Variants in CTNNA2 observed in about 807,000 individuals in gnomAD.
CTNNA2 encodes catenin alpha 2.
Under a neutral mutation model 101.0 loss-of-function variants are expected in CTNNA2, and 42 were observed. The ratio of observed to expected loss-of-function variants is 0.42; its 90% CI spans 0.32 to 0.54. The LOEUF (loss-of-function observed/expected upper bound fraction) is 0.54, where lower values mean the gene tolerates loss of function less well. Ranked by LOEUF, CTNNA2 falls within the 20% of genes least tolerant of loss-of-function variation. The pLI, the probability that CTNNA2 is intolerant of heterozygous loss-of-function variation, is 0.14. For synonymous variants in CTNNA2, 450 were observed against 456.4 expected (o/e 0.99, Z 0.18); for missense variants, 871 against 1,223.1 (o/e 0.71, Z 4.29).
chr2:79,485,635 T>C (rs996711128), intron 4 of CTNNA2, among the ~76,000 whole-genome samples: 35 of 152,354 alleles, frequency 2.3e-4, no homozygotes, highest in Admixed American at 2.0e-3. Flanking sequence ...GCCACAACTC[T>C]GACTGCCACA....
intron 18 of CTNNA2, among the ~76,000 whole-genome samples, chr2:80,630,265 T>C (rs760137303): frequency 6.6e-5 from 10 of 152,232 alleles, no homozygotes; most frequent in East Asian, 5.8e-4. Context: ...AACAAGAGTA[T>C]TGAAGTTAAA....
At chr2:79,404,251 C>T (rs1240001291) in intron 4 of CTNNA2, among the ~76,000 whole-genome samples, 1 of 151,918 alleles carries the variant, frequency 6.6e-6, no homozygotes, top group African/African-American at 2.4e-5. Flanking sequence ...GGTCCATAGG[C>T]AGGATATGAA....
intron 7 of CTNNA2, among the ~76,000 whole-genome samples, chr2:80,125,889 G>C (rs1255577870): frequency 1.3e-5 from 2 of 152,168 alleles, no homozygotes; most frequent in Admixed American, 1.3e-4. Context: ...AAAGCCCAGG[G>C]AGGCAAAGGC....
intron 9 of CTNNA2, among the ~76,000 whole-genome samples, chr2:80,463,398 A>G (rs979552273): frequency 1.3e-5 from 2 of 152,192 alleles, no homozygotes; most frequent in African/African-American, 4.8e-5. Context: ...AGTAGTTGAA[A>G]TGCCTAGATT....
At chr2:80,444,525 T>C (rs1682903125) in intron 9 of CTNNA2, among the ~76,000 whole-genome samples, 1 of 152,184 alleles carries the variant, frequency 6.6e-6, no homozygotes, top group Non-Finnish European at 1.5e-5. Flanking sequence ...GACTGTCCTA[T>C]GAATTGTGGG....
intron 2 of CTNNA2, among the ~76,000 whole-genome samples, chr2:79,704,836 G>A (rs1573735344): frequency 6.6e-6 from 1 of 152,164 alleles, no homozygotes; most frequent in Middle Eastern, 3.4e-3. Context: ...TTTCAGCAGT[G>A]CCCTCTCTAC....
chr2:79,332,099 A>G (rs1387664344), intron 3 of CTNNA2, among the ~76,000 whole-genome samples: 1 of 152,186 alleles, frequency 6.6e-6, no homozygotes, highest in Non-Finnish European at 1.5e-5. Context: ...ATTCTTGACA[A>G]GAACAGTGAG....
chr2:79,456,087 T>C (rs1243881655), intron 4 of CTNNA2, among the ~76,000 whole-genome samples: 1 of 151,736 alleles, frequency 6.6e-6, no homozygotes, highest in African/African-American at 2.4e-5. Flanking sequence ...TTTTTTGTGG[T>C]TGTGTTTTAA....
chr2:79,547,210 C>G (rs1163523090), intron 1 of CTNNA2: 1 of 152,128 alleles, frequency 6.6e-6, no homozygotes, highest in African/African-American at 2.4e-5. Context: ...GACTAATTTT[C>G]CATATTCAGT....
At chr2:79,954,773 CA>C in intron 7 of CTNNA2, among the ~76,000 whole-genome samples, 1 of 152,142 alleles carries the variant, frequency 6.6e-6, no homozygotes, top group East Asian at 1.9e-4. Context: ...GCCAGGTTTT[CA>C]AGGATCTTAT....
intron 4 of CTNNA2, among the ~76,000 whole-genome samples, chr2:79,433,777 G>T (rs986305486): frequency 6.6e-6 from 1 of 151,948 alleles, no homozygotes; most frequent in South Asian, 2.1e-4. Context: ...CAACGGGAAA[G>T]AAAATTGTGA....
At chr2:80,402,908 G>A (rs1401057234) in intron 8 of CTNNA2, among the ~76,000 whole-genome samples, 1 of 151,532 alleles carries the variant, frequency 6.6e-6, no homozygotes, top group Non-Finnish European at 1.5e-5. Flanking sequence ...GCTTCTTATT[G>A]TAGGGCTTGG....
At chr2:79,642,228 G>A (rs1409539674) in intron 1 of CTNNA2, among the ~76,000 whole-genome samples, 1 of 152,140 alleles carries the variant, frequency 6.6e-6, no homozygotes, top group Non-Finnish European at 1.5e-5. Context: ...TGAGTGTTTT[G>A]TTAAAAGGTG....
chr2:79,954,538 A>G (rs1037973682), intron 7 of CTNNA2, among the ~76,000 whole-genome samples: 1 of 152,168 alleles, frequency 6.6e-6, no homozygotes, highest in Admixed American at 6.5e-5. Flanking sequence ...ATTGTTACGT[A>G]TAATTTTTGG....
chr2:79,943,358 C>G (rs1002989921), intron 7 of CTNNA2, among the ~76,000 whole-genome samples: 3 of 151,928 alleles, frequency 2.0e-5, no homozygotes, highest in Admixed American at 6.6e-5. Context: ...TATTGGAGAC[C>G]CAAATACCAA....
At chr2:80,596,284 T>G (rs1291411419) in intron 15 of CTNNA2, among the ~76,000 whole-genome samples, 5 of 27,128 alleles carry the variant, frequency 1.8e-4, no homozygotes, top group East Asian at 9.6e-4. Context: ...AGGTTGTTTT[T>G]TTTTTTTTTT....
intron 4 of CTNNA2, among the ~76,000 whole-genome samples, chr2:79,869,118 A>G (rs1200480644): frequency 6.6e-6 from 1 of 152,198 alleles, no homozygotes; most frequent in Non-Finnish European, 1.5e-5. Flanking sequence ...TTCAGGTCCA[A>G]TGCTACTATG....
intron 7 of CTNNA2, among the ~76,000 whole-genome samples, chr2:80,377,061 T>C (rs747771175): frequency 2.6e-5 from 4 of 152,208 alleles, no homozygotes; most frequent in Non-Finnish European, 4.4e-5. Flanking sequence ...AAGTGAAATA[T>C]CAGGGTCAAT....
chr2:80,350,635 A>T (rs905478019), intron 7 of CTNNA2, among the ~76,000 whole-genome samples: 1 of 152,132 alleles, frequency 6.6e-6, no homozygotes, highest in Non-Finnish European at 1.5e-5. Context: ...AATGTGAAAA[A>T]ATATTTTTCT....
Sources: allele counts gnomAD v4.1 joint callset (sites outside exome capture counted in the v4.1 genomes callset), GRCh38; gene constraint gnomAD v4.1.1; transcripts MANE v1.5; gene names NCBI Gene and HGNC (gene_info 2026-07-23, HGNC 2026-07-21).